The following YEATS4 variants were observed in gnomAD, a reference collection of about 807,000 sequenced individuals.
YEATS4 encodes the protein YEATS domain containing 4.
In YEATS4, 17 loss-of-function variants were observed where a neutral mutation model predicts 30.1. The ratio of observed to expected loss-of-function variants is 0.56; its 90% CI spans 0.39 to 0.85. YEATS4 has a LOEUF of 0.85. YEATS4 is among the 40% of genes least tolerant of loss of function. The pLI, the probability that YEATS4 is intolerant of heterozygous loss-of-function variation, is 0.00. For missense variants in YEATS4, 142 were observed against 268.3 expected, an observed-to-expected ratio of 0.53 and a Z score of 3.29; for synonymous variants, 85 against 87.5, an observed-to-expected ratio of 0.97 and a Z score of 0.16.
chr12:69,374,973 C>T lies in YEATS4; in HGVS notation c.514+3998C>T, dbSNP rs1229855982. ...AGGGTGGCCGGGCAGGGGCGCCCCC[C>T]ACCTCCCAGACAGGGCGGCGGCCGG... On this transcript the variant is annotated intron_variant, in intron 6 of 6. Coordinates refer to ENST00000247843, the MANE Select transcript of YEATS4 (RefSeq NM_006530.4). Among the ~76,000 whole-genome samples, 5 of 149,770 alleles carry T rather than the reference C, an allele frequency of 3.3e-5. No homozygotes were observed. The East Asian group carries it at 9.9e-4, about 30-fold the overall frequency.
the YEATS4 span, among the ~76,000 whole-genome samples, chr12:69,422,384 C>A: frequency 6.6e-6 from 1 of 152,206 alleles, no homozygotes; most frequent in African/African-American, 2.4e-5. Flanking sequence ...GTAATCCCAG[C>A]ACTTTCAGAG....
chr12:69,395,639 G>GAATA (rs2121107717), downstream of YEATS4, among the ~76,000 whole-genome samples: 1 of 152,156 alleles, frequency 6.6e-6, no homozygotes, highest in East Asian at 1.9e-4. Context: ...GAGTGAAAGA[G>GAATA]AATAAAAATA....
At chr12:69,361,033 A>C (rs1696106047) in intron 1 of YEATS4, among the ~76,000 whole-genome samples, 1 of 151,438 alleles carries the variant, frequency 6.6e-6, no homozygotes, top group African/African-American at 2.4e-5. Context: ...CCCCGTCTCT[A>C]CTAAATATAC....
At chr12:69,424,913 A>ATTAT in the YEATS4 span, among the ~76,000 whole-genome samples, 22 of 151,852 alleles carry the variant, frequency 1.4e-4, no homozygotes, top group African/African-American at 3.9e-4. Flanking sequence ...GTATATATTT[A>ATTAT]TTATTTATTT....
At chr12:69,375,611 A>G (rs1310225937) in intron 6 of YEATS4, among the ~76,000 whole-genome samples, 3 of 152,188 alleles carry the variant, frequency 2.0e-5, no homozygotes, top group African/African-American at 7.2e-5. Flanking sequence ...AGCCTGGGCA[A>G]CATTGAGCAC....
At chr12:69,383,867 CG>C (rs2121043156) in intron 6 of YEATS4, among the ~76,000 whole-genome samples, 1 of 152,122 alleles carries the variant, frequency 6.6e-6, no homozygotes, top group East Asian at 1.9e-4. Flanking sequence ...AAGCAAGATA[CG>C]GGGTCAAGAG....
intron 6 of YEATS4, among the ~76,000 whole-genome samples, chr12:69,371,245 GT>G (rs927354409): frequency 1.3e-5 from 2 of 152,156 alleles, no homozygotes; most frequent in African/African-American, 4.8e-5. Flanking sequence ...TTTAAGTATA[GT>G]TTTTTATTAG....
At chr12:69,410,748 C>A in the YEATS4 span, among the ~76,000 whole-genome samples, 1 of 152,288 alleles carries the variant, frequency 6.6e-6, no homozygotes, top group Non-Finnish European at 1.5e-5. Flanking sequence ...AACTGACAAG[C>A]TATTCCCCCA....
intron 6 of YEATS4, among the ~76,000 whole-genome samples, chr12:69,376,471 A>T (rs1314605564): frequency 1.3e-5 from 2 of 152,372 alleles, no homozygotes; most frequent in African/African-American, 4.8e-5. Flanking sequence ...TGAAATGATC[A>T]TATGGTTTTT....
chr12:69,412,943 G>T, the YEATS4 span, among the ~76,000 whole-genome samples: 1 of 152,088 alleles, frequency 6.6e-6, no homozygotes, highest in Non-Finnish European at 1.5e-5. Context: ...CGGTGGAAGG[G>T]GGAGGGAAAA....
chr12:69,404,889 C>A, the YEATS4 span, among the ~76,000 whole-genome samples: 1 of 152,310 alleles, frequency 6.6e-6, no homozygotes, highest in South Asian at 2.1e-4. Context: ...ATCAGACTGT[C>A]TCCTGGGATT....
chr12:69,361,992 T>G (rs1398274114), intron 1 of YEATS4, among the ~76,000 whole-genome samples: 1 of 151,226 alleles, frequency 6.6e-6, no homozygotes, highest in Non-Finnish European at 1.5e-5. Context: ...TAATGTTTTT[T>G]AAATTGTAGG....
intron 6 of YEATS4, among the ~76,000 whole-genome samples, chr12:69,386,928 C>G (rs1868258881): frequency 1.3e-5 from 2 of 152,056 alleles, no homozygotes; most frequent in African/African-American, 4.8e-5. Flanking sequence ...ATTAACAACA[C>G]TAATTAATAA....
downstream of YEATS4, among the ~76,000 whole-genome samples, chr12:69,395,071 A>G (rs1565685026): frequency 6.6e-6 from 1 of 152,196 alleles, no homozygotes; most frequent in African/African-American, 2.4e-5. Context: ...CAATGTTTTC[A>G]GAGGATAATT....
chr12:69,409,386 G>A, the YEATS4 span, among the ~76,000 whole-genome samples: 2 of 152,196 alleles, frequency 1.3e-5, no homozygotes, highest in South Asian at 2.1e-4. Context: ...GGAGACTGAG[G>A]TGGGCGGATC....
rs767982850 is a variant in YEATS4, at chr12:69,362,790, T to A, written c.54T>A (p.Gly18=). The part of the protein sequence containing the change: ...FGPDSGGRVK[G]VTIVKPIVYG... ...TTTTAAAATTATTTTTCTTTTAGGG[T>A]GTTACTATCGTTAAACCAATAGTTT... Residue 18 remains glycine (G), a splice_region_variant and synonymous_variant, in exon 2 of 7, where the codon GGT becomes GGA. Coordinates refer to ENST00000247843, the MANE Select transcript of YEATS4 (RefSeq NM_006530.4). 6.2e-7 allele frequency: 1 copy of A among 1,600,586 alleles called. No homozygotes were observed. Among genetic ancestry groups the A allele is most frequent in the Non-Finnish European group, 8.5e-7 (1 of 1,171,942 alleles).
rs755858081 is a variant in YEATS4 at position 69,390,172 on chromosome 12, A to G, written c.540A>G (p.Arg180=). 2 of 1,587,840 alleles carry G rather than the reference A, an allele frequency of 1.3e-6. No homozygotes were observed. The highest frequency in any genetic ancestry group is 1.7e-6 in the Non-Finnish European group (2 of 1,173,776). ...TTGCAGAGCTTGAAGTGAAAACCAG[A>G]GAAAAATTAGAAGCTGCTAAGAAAA... ...TEFAELEVKT[R]EKLEAAKKKT... is the part of the protein sequence containing the mutation. Residue 180 remains arginine (R), a synonymous_variant, in exon 7 of 7, where the codon AGA becomes AGG. Coordinates refer to ENST00000247843, the MANE Select transcript of YEATS4 (RefSeq NM_006530.4).
chr12:69,380,680 A>G (rs1565680419), intron 6 of YEATS4, among the ~76,000 whole-genome samples: 2 of 152,002 alleles, frequency 1.3e-5, no homozygotes, highest in Admixed American at 1.3e-4. Context: ...ATCAGGGGAA[A>G]TTCAGCCAGA....
At chr12:69,371,999 A>G (rs1273409236) in intron 6 of YEATS4, among the ~76,000 whole-genome samples, 2 of 152,206 alleles carry the variant, frequency 1.3e-5, no homozygotes, top group African/African-American at 4.8e-5. Context: ...GCTGAAAAAC[A>G]GCAAGAAGTC....
Sources: gnomAD v4.1 joint callset for allele counts (sites outside exome capture counted in the v4.1 genomes callset) on GRCh38, gnomAD v4.1.1 for gene constraint, MANE v1.5 for transcripts, NCBI Gene and HGNC (gene_info 2026-07-23, HGNC 2026-07-21) for gene names.